THTPA: variants seen among roughly 807,000 people sequenced by gnomAD.
The protein encoded by THTPA is thiamine-triphosphatase.
THTPA carries 16 observed loss-of-function variants against 16.5 expected under a neutral mutation model. The ratio of observed to expected loss-of-function variants is 0.97; its 90% CI spans 0.66 to 1.47. The LOEUF is 1.47. Among genes scored for constraint, THTPA ranks in the 40% most tolerant of loss-of-function variants. THTPA has a pLI of 0.00. For missense variants in THTPA, 281 were observed against 280.9 expected (o/e 1.00, Z 0.00); for synonymous variants, 110 against 115.5 (o/e 0.95, Z 0.30).
chr14:23,526,779 T>C, the THTPA span: 1 of 1,527,548 alleles, frequency 6.5e-7, no homozygotes, highest in Non-Finnish European at 8.8e-7. Context: ...TCAGTCATCT[T>C]CAGACCTTGT....
chr14:23,521,830 G>C, the THTPA span: 9 of 1,435,786 alleles, frequency 6.3e-6, no homozygotes, highest in South Asian at 1.2e-4. Context: ...ACTGAGGGTG[G>C]GAACTGAACA....
At chr14:23,534,646 T>C in the THTPA span, 1 of 1,536,158 alleles carries the variant, frequency 6.5e-7, no homozygotes, top group Non-Finnish European at 8.7e-7. This position sits in a 1 kb window ranked among gnomAD's most constrained non-coding sequence, Gnocchi z 4.5. Flanking sequence ...GCCCCCGCTG[T>C]TCCCCATGGG....
At chr14:23,525,168 G>A in the THTPA span, 1 of 1,536,166 alleles carries the variant, frequency 6.5e-7, no homozygotes, top group Non-Finnish European at 8.7e-7. The surrounding 1 kb of genome is among the most constrained non-coding windows in gnomAD (Gnocchi z 5.9). Flanking sequence ...CGGCCGGCAG[G>A]CACCAGGGGA....
the THTPA span, among the ~76,000 whole-genome samples, chr14:23,547,442 C>G: frequency 6.6e-6 from 1 of 152,244 alleles, no homozygotes; most frequent in African/African-American, 2.4e-5. Context: ...TGCCAACTCT[C>G]TCTTTGGAAA....
the THTPA span, chr14:23,522,909 C>A: frequency 6.8e-7 from 1 of 1,462,880 alleles, no homozygotes; most frequent in Non-Finnish European, 9.0e-7. Context: ...ACCGAAGTGG[C>A]GAGGCCGAGG....
At chr14:23,553,070 C>T (rs970437749), upstream of THTPA, among the ~76,000 whole-genome samples, 13 of 152,078 alleles carry the variant, frequency 8.5e-5, no homozygotes, top group Admixed American at 2.6e-4. Flanking sequence ...ATTAACAGGC[C>T]CAAGGTCCAA....
chr14:23,531,769 G>A, the THTPA span: 2 of 1,276,922 alleles, frequency 1.6e-6, no homozygotes, highest in African/African-American at 3.1e-5. Context: ...GGACATGCCA[G>A]ACCTCAGGGG....
At chr14:23,518,711 G>A in the THTPA span, among the ~76,000 whole-genome samples, 8 of 152,184 alleles carry the variant, frequency 5.3e-5, no homozygotes, top group African/African-American at 1.9e-4. This position sits in a 1 kb window ranked among gnomAD's most constrained non-coding sequence, Gnocchi z 4.5. Context: ...GGTTAGGGGT[G>A]GGGGAGGTAC....
chr14:23,552,822 G>A (rs1253130894), upstream of THTPA, among the ~76,000 whole-genome samples: 1 of 151,834 alleles, frequency 6.6e-6, no homozygotes, highest in Admixed American at 6.6e-5. Flanking sequence ...GGCTGGTCTC[G>A]AACTCCTGAC....
chr14:23,544,721 G>T, the THTPA span, among the ~76,000 whole-genome samples: 1 of 152,164 alleles, frequency 6.6e-6, no homozygotes, highest in African/African-American at 2.4e-5. Context: ...CACTCTCGCT[G>T]CCTCTAATGG....
the THTPA span, chr14:23,531,840 T>C: frequency 8.2e-7 from 1 of 1,213,388 alleles, no homozygotes. Flanking sequence ...TGCAGTGGCA[T>C]GATCTCTACT....
the THTPA span, chr14:23,535,345 G>A: frequency 9.0e-6 from 13 of 1,443,464 alleles, no homozygotes; most frequent in African/African-American, 1.9e-4. The surrounding 1 kb of genome is among the most constrained non-coding windows in gnomAD (Gnocchi z 4.5). Context: ...AGGAGTGCTG[G>A]GGGCTCATGT....
At chr14:23,527,907 T>C in the THTPA span, 1 of 990,780 alleles carries the variant, frequency 1.0e-6, no homozygotes, top group Non-Finnish European at 1.4e-6. Context: ...ACTCCTTTTT[T>C]TTTTTTTTTT....
At chr14:23,523,042 G>A in the THTPA span, 221 of 1,404,314 alleles carry the variant, frequency 1.6e-4, no homozygotes, top group Non-Finnish European at 1.8e-4. This position sits in a 1 kb window ranked among gnomAD's most constrained non-coding sequence, Gnocchi z 4.1. Context: ...TCCCAGCACC[G>A]GATTTCCATG....
the THTPA span, chr14:23,543,202 C>T: frequency 6.6e-6 from 1 of 152,234 alleles, no homozygotes. Context: ...GTGCTAGGCC[C>T]TCGGCAAGTA....
chr14:23,557,070 G>T lies in THTPA; in HGVS notation c.313G>T (p.Asp105Tyr). 6.2e-7 allele frequency: 1 copy of T among 1,614,268 alleles called. No individual in the cohort carries two copies. The highest frequency in any genetic ancestry group is 1.1e-5 in the South Asian group (1 of 91,086). ...GCGGGCTGACGGCCTGGGGGCTGGA[G>T]ATGTGGCTGCTGTGCTGGGCCCACT... ...VLRADGLGAG[D>Y]VAAVLGPLGL... Residue 105 changes from aspartate (D) to tyrosine (Y), a missense_variant, in exon 1 of 2, where the codon GAT becomes TAT. Asp to Tyr is a radical substitution (Grantham distance 160). Coordinates refer to ENST00000288014, the MANE Select transcript of THTPA (RefSeq NM_024328.6).
chr14:23,534,792 G>T, the THTPA span: 7 of 1,536,226 alleles, frequency 4.6e-6, no homozygotes, highest in Non-Finnish European at 6.1e-6. The surrounding 1 kb of genome is among the most constrained non-coding windows in gnomAD (Gnocchi z 4.5). Flanking sequence ...TAAAGCCTTG[G>T]ATTGGGTCAA....
At chr14:23,529,486 T>C in the THTPA span, 1 of 549,966 alleles carries the variant, frequency 1.8e-6, no homozygotes, top group Non-Finnish European at 3.3e-6. Context: ...AAGTTCCTGC[T>C]GTCTCCCTCC....
chr14:23,519,613 T>C, the THTPA span, among the ~76,000 whole-genome samples: 15 of 152,330 alleles, frequency 9.8e-5, no homozygotes, highest in African/African-American at 3.4e-4. Context: ...CCTAATTTGC[T>C]GTTAGTTAGA....
Sources: allele counts gnomAD v4.1 joint callset (sites outside exome capture counted in the v4.1 genomes callset), GRCh38; gene constraint gnomAD v4.1.1; non-coding constraint Gnocchi (gnomAD v3.1); transcripts MANE v1.5; gene names NCBI Gene and HGNC (gene_info 2026-07-23, HGNC 2026-07-21).